Variants in ZC3H12D observed in about 807,000 individuals in gnomAD.
ZC3H12D encodes the protein zinc finger CCCH-type containing 12D.
Under a neutral mutation model 24.2 loss-of-function variants are expected in ZC3H12D, and 11 were observed. The ratio of observed to expected loss-of-function variants is 0.46; its 90% CI spans 0.29 to 0.75. ZC3H12D has a LOEUF of 0.75. ZC3H12D is among the 30% of genes least tolerant of loss of function. The pLI, the probability that ZC3H12D is intolerant of heterozygous loss-of-function variation, is 0.11. For missense variants in ZC3H12D, 740 were observed against 767.7 expected (o/e 0.96, Z 0.43); for synonymous variants, 333 against 341.8 (o/e 0.97, Z 0.28).
rs1562472760 is a variant in ZC3H12D, at chr6:149,458,148, T to TTTTTTTTTTC, written c.446-1249_446-1248insGAAAAAAAAA. Among the ~76,000 whole-genome samples, 19 of 128,112 alleles carry TTTTTTTTTTC rather than the reference T, an allele frequency of 1.5e-4. 1 individual carries two copies. Among genetic ancestry groups the TTTTTTTTTTC allele is most frequent in the African/African-American group, 6.9e-4 (19 of 27,640 alleles). 84.0% of individuals were successfully genotyped at this position (128,112 alleles called of 152,430 possible). ...CGTTTCTTTTTTTTTTTTTTTTTTT[T>TTTTTTTTTTC]TTTTTGAGACAAGATCTCACTGTGT... On this transcript the variant is annotated intron_variant, in intron 3 of 5. Coordinates refer to ENST00000409806, the MANE Select transcript of ZC3H12D (RefSeq NM_207360.3).
intron 1 of ZC3H12D, among the ~76,000 whole-genome samples, chr6:149,482,553 G>A (rs1352577810): frequency 1.3e-5 from 2 of 152,182 alleles, no homozygotes; most frequent in African/African-American, 2.4e-5. Flanking sequence ...GTTCGGGGCG[G>A]CCTGGAAGAG....
At chr6:149,478,786 A>G (rs933663477) in intron 1 of ZC3H12D, among the ~76,000 whole-genome samples, 5 of 151,406 alleles carry the variant, frequency 3.3e-5, no homozygotes, top group Non-Finnish European at 5.9e-5. Context: ...CCTCTGCCCC[A>G]CCCACCCCTC....
intron 5 of ZC3H12D, 50 bp from the exon 6 acceptor site, chr6:149,451,529 G>A: frequency 1.4e-6 from 2 of 1,468,064 alleles, no homozygotes; most frequent in Non-Finnish European, 1.8e-6. Context: ...CGGGGGCGCG[G>A]AGGGGCGGTG....
In ZC3H12D at chr6:149,474,483, G is replaced by C. The variant is rs772537357; in HGVS notation, c.61C>G (p.Leu21Val). Reference sequence around the variant, plus strand: ...TCGCCCAGCTTGCCCAACACCCGGAGCACATCCTCCCGGTCATAGCCCAGC... The same window carrying C: ...TCGCCCAGCTTGCCCAACACCCGGACCACATCCTCCCGGTCATAGCCCAGC... Reference protein sequence around the residue: ...QKLGYDREDVLRVLGKLGEGA... With the variant: ...QKLGYDREDVVRVLGKLGEGA... Residue 21 changes from leucine (L) to valine (V), a missense_variant, in exon 2 of 6, where the codon CTC becomes GTC. Coordinates refer to ENST00000409806, the MANE Select transcript of ZC3H12D (RefSeq NM_207360.3). 222 of 1,579,334 alleles carry C rather than the reference G, an allele frequency of 1.4e-4. 1 individual carries two copies. The highest frequency in any genetic ancestry group is 1.8e-4 in the Non-Finnish European group (213 of 1,156,378).
In ZC3H12D at chr6:149,452,602, T is replaced by G. The variant is rs1447787729; in HGVS notation, c.787+14A>C. On this transcript the variant is annotated intron_variant, in intron 5 of 5. Coordinates refer to ENST00000409806, the MANE Select transcript of ZC3H12D (RefSeq NM_207360.3). This position sits in a 1 kb window ranked among gnomAD's most constrained non-coding sequence, Gnocchi z 4.0. ...GCCCTGAACAGGGCCTGCGAAGCAC[T>G]GGGCCCTACCCACCATAAGGACAAT... The G allele has an allele frequency of 2.6e-6, 4 of 1,539,638 alleles. No homozygotes were observed. The highest frequency in any genetic ancestry group is 3.5e-6 in the Non-Finnish European group (4 of 1,146,066).
Position 149,449,056 on chromosome 6 carries a change from A to C in ZC3H12D, c.*1627T>G, listed in dbSNP as rs1583181694. The C allele has an allele frequency of 2.0e-5, 3 of 152,262 alleles. No homozygotes were observed. Among genetic ancestry groups the C allele is most frequent in the African/African-American group, 7.2e-5 (3 of 41,476 alleles). The allele number at this position is 152,262 out of a possible 1,614,324, so 9.4% of individuals were successfully genotyped here. Reference sequence around the variant, plus strand: ...CTGGCATGGTAACCAGAATGGGTGGATGCTGCCAGGAGAGGCCAGGGCCCC... The same window carrying C: ...CTGGCATGGTAACCAGAATGGGTGGCTGCTGCCAGGAGAGGCCAGGGCCCC... On this transcript the variant is annotated 3_prime_UTR_variant, in exon 6 of 6. Transcript: ENST00000409806.
rs1451861796 is a variant in ZC3H12D at position 149,456,094 on chromosome 6, T to C, written c.680+572A>G. Among the ~76,000 whole-genome samples, 3 of 149,980 alleles carry C rather than the reference T, an allele frequency of 2.0e-5. No homozygotes were observed. The East Asian group carries it at 6.0e-4, about 30-fold the overall frequency. ...GGTGAAACTCCATCTCTACTAAAAA[T>C]ACAAAAAATTAGCCAGGCATGGTGG... is the stretch of plus-strand genomic sequence containing the variant. On this transcript the variant is annotated intron_variant, in intron 4 of 5. Transcript: ENST00000409806. The surrounding 1 kb of genome is among the most constrained non-coding windows in gnomAD (Gnocchi z 4.3).
At chr6:149,457,513 G>C (rs1295163505) in intron 3 of ZC3H12D, among the ~76,000 whole-genome samples, 1 of 152,194 alleles carries the variant, frequency 6.6e-6, no homozygotes, top group Non-Finnish European at 1.5e-5. Context: ...TCTGGGCCGG[G>C]CTCCAGTTCC....
intron 3 of ZC3H12D, among the ~76,000 whole-genome samples, chr6:149,461,501 T>C (rs1314904834): frequency 6.6e-6 from 1 of 152,232 alleles, no homozygotes; most frequent in Non-Finnish European, 1.5e-5. Flanking sequence ...ACAGATCCAG[T>C]GTCTCTTCAG....
At chr6:149,464,362 T>A (rs543137906) in intron 2 of ZC3H12D, among the ~76,000 whole-genome samples, 60 of 152,110 alleles carry the variant, frequency 3.9e-4, no homozygotes, top group African/African-American at 1.3e-3. Context: ...GTGGATAGAT[T>A]TGAGATATTG....
intron 1 of ZC3H12D, among the ~76,000 whole-genome samples, chr6:149,479,887 A>G (rs1189310364): frequency 6.6e-6 from 1 of 152,078 alleles, no homozygotes; most frequent in Non-Finnish European, 1.5e-5. Flanking sequence ...CCCTCCTCAA[A>G]TATCTTTTAC....
intron 4 of ZC3H12D, among the ~76,000 whole-genome samples, chr6:149,454,838 G>A (rs1187235439): frequency 2.6e-5 from 4 of 152,240 alleles, no homozygotes; most frequent in African/African-American, 4.8e-5. Flanking sequence ...AGTGAGAGCC[G>A]CTGGCCTTTT....
chr6:149,456,622 C>CCCCCCCCCCCCCCCCCCCGGGGGGGG lies in ZC3H12D; in HGVS notation c.680+43_680+44insCCCCCCCCGGGGGGGGGGGGGGGGGG. On this transcript the variant is annotated intron_variant, in intron 4 of 5. Coordinates refer to ENST00000409806, the MANE Select transcript of ZC3H12D (RefSeq NM_207360.3). The surrounding 1 kb of genome is among the most constrained non-coding windows in gnomAD (Gnocchi z 4.3). ...GGCCACTGCCTCGACCCCGGCCCCC[C>CCCCCCCCCCCCCCCCCCCGGGGGGGG]GCCCCGCCGCCCCCCAGGGTGTCAG... The CCCCCCCCCCCCCCCCCCCGGGGGGGG allele has an allele frequency of 3.8e-6, 5 of 1,314,332 alleles. No homozygotes were observed. The highest frequency in any genetic ancestry group is 3.3e-6 in the Non-Finnish European group (3 of 921,286). 81.4% of individuals were successfully genotyped at this position (1,314,332 alleles called of 1,614,324 possible).
intron 1 of ZC3H12D, among the ~76,000 whole-genome samples, chr6:149,475,758 C>T (rs1776329373): frequency 6.7e-6 from 1 of 148,178 alleles, no homozygotes; most frequent in Admixed American, 6.6e-5. Flanking sequence ...TCCATCCCAG[C>T]CAGGCATTAC....
chr6:149,482,018 G>A (rs569669751), intron 1 of ZC3H12D, among the ~76,000 whole-genome samples: 1 of 152,348 alleles, frequency 6.6e-6, no homozygotes, highest in Non-Finnish European at 1.5e-5. Flanking sequence ...CTGGAGGGGC[G>A]CAGGGACAGC....
At chr6:149,477,564 C>T (rs910146067) in intron 1 of ZC3H12D, among the ~76,000 whole-genome samples, 15 of 152,208 alleles carry the variant, frequency 9.9e-5, no homozygotes, top group African/African-American at 3.4e-4. Context: ...TATAACTTGG[C>T]CTGATTCTTC....
Position 149,456,205 on chromosome 6 carries a change from T to C in ZC3H12D, c.680+461A>G, listed in dbSNP as rs1775977016. On this transcript the variant is annotated intron_variant, in intron 4 of 5. Transcript: ENST00000409806. This position sits in a 1 kb window ranked among gnomAD's most constrained non-coding sequence, Gnocchi z 4.3. Reference sequence around the variant, plus strand: ...AGGCAGAGTTTGCAGTGAGCCAAGATTGAGCCACTGCACTCCAGCCTGGGT... The same window carrying C: ...AGGCAGAGTTTGCAGTGAGCCAAGACTGAGCCACTGCACTCCAGCCTGGGT... 6.6e-6 allele frequency among the ~76,000 whole-genome samples: 1 copy of C among 151,826 alleles called. No individual in the cohort carries two copies. Among genetic ancestry groups the C allele is most frequent in the Admixed American group, 6.6e-5 (1 of 15,246 alleles).
Position 149,456,623 on chromosome 6 carries a change from G to GGGGGGCGGGCCCCC in ZC3H12D, c.680+42_680+43insGGGGGCCCGCCCCC. ...GCCACTGCCTCGACCCCGGCCCCCC[G>GGGGGGCGGGCCCCC]CCCCGCCGCCCCCCAGGGTGTCAGG... is the stretch of plus-strand genomic sequence containing the variant. On this transcript the variant is annotated intron_variant, in intron 4 of 5. Transcript: ENST00000409806. This position sits in a 1 kb window ranked among gnomAD's most constrained non-coding sequence, Gnocchi z 4.3. 1.3e-6 allele frequency: 1 copy of GGGGGGCGGGCCCCC among 744,590 alleles called. No homozygotes were observed. Among genetic ancestry groups the GGGGGGCGGGCCCCC allele is most frequent in the Non-Finnish European group, 2.2e-6 (1 of 456,108 alleles). The allele number at this position is 744,590 out of a possible 1,614,324, so 46.1% of individuals were successfully genotyped here.
chr6:149,456,608 CGACCCCG>C lies in ZC3H12D; in HGVS notation c.680+51_680+57del. ...CTGGTAGCAGGCGTGGCCACTGCCT[CGACCCCG>C]GCCCCCCGCCCCGCCGCCCCCCAGG... is the stretch of plus-strand genomic sequence containing the variant. On this transcript the variant is annotated intron_variant, in intron 4 of 5. Transcript: ENST00000409806. This position sits in a 1 kb window ranked among gnomAD's most constrained non-coding sequence, Gnocchi z 4.3. The C allele has an allele frequency of 7.2e-7, 1 of 1,388,520 alleles. No homozygotes were observed. 86.0% of individuals were successfully genotyped at this position (1,388,520 alleles called of 1,614,324 possible).
Sources: gnomAD v4.1 joint callset for allele counts (sites outside exome capture counted in the v4.1 genomes callset) on GRCh38, gnomAD v4.1.1 for gene constraint, Gnocchi (gnomAD v3.1) non-coding constraint, MANE v1.5 for transcripts, NCBI Gene and HGNC (gene_info 2026-07-23, HGNC 2026-07-21) for gene names.